The following KCNB2 variants were observed in gnomAD, a reference collection of about 807,000 sequenced individuals.
KCNB2 encodes delayed rectifier potassium channel protein.
A neutral mutation model predicts 61.5 loss-of-function variants in KCNB2; 15 were observed. The ratio of observed to expected loss-of-function variants is 0.24; its 90% CI spans 0.16 to 0.38. The LOEUF (loss-of-function observed/expected upper bound fraction) is 0.38, where lower values mean the gene tolerates loss of function less well. Among genes scored for constraint, KCNB2 ranks in the 10% least tolerant of loss-of-function variants. KCNB2 has a pLI of 1.00. For synonymous variants in KCNB2, 457 were observed against 446.0 expected (o/e 1.02, Z -0.31); for missense variants, 828 against 1,125.2 (o/e 0.74, Z 3.78).
intron 2 of KCNB2, among the ~76,000 whole-genome samples, chr8:72,670,823 T>C (rs1806551632): frequency 6.6e-6 from 1 of 152,196 alleles, no homozygotes; most frequent in African/African-American, 2.4e-5. Context: ...GCTACCTCTG[T>C]ACCTTCATCA....
chr8:72,769,688 G>A (rs1261849473), intron 2 of KCNB2, among the ~76,000 whole-genome samples: 1 of 152,110 alleles, frequency 6.6e-6, no homozygotes, highest in East Asian at 1.9e-4. Context: ...AAAGAGCTCT[G>A]CATGCCTCCT....
chr8:72,716,694 A>G lies in KCNB2; in HGVS notation c.579+148381A>G, dbSNP rs1240308257. On this transcript the variant is annotated intron_variant, in intron 2 of 2. Coordinates refer to ENST00000523207, the MANE Select transcript of KCNB2 (RefSeq NM_004770.3). The stretch of plus-strand genomic sequence containing the variant: ...AATAAGAGCTATCTATGACAAACCC[A>G]CAGCCAATATCATACTGAATGGACA... Among the ~76,000 whole-genome samples the G allele has an allele frequency of 1.4e-4, 22 of 152,216 alleles. No individual in the cohort carries two copies. In the East Asian group the frequency reaches 4.2e-3, roughly 29 times the overall value.
intron 2 of KCNB2, among the ~76,000 whole-genome samples, chr8:72,687,419 G>A (rs1806869706): frequency 6.6e-6 from 1 of 152,048 alleles, no homozygotes; most frequent in African/African-American, 2.4e-5. Context: ...CTATTTTCAA[G>A]CTGGACCTGT....
At chr8:72,752,243 C>T (rs752215379) in intron 2 of KCNB2, among the ~76,000 whole-genome samples, 6 of 152,234 alleles carry the variant, frequency 3.9e-5, no homozygotes, top group Admixed American at 1.3e-4. Flanking sequence ...GATCATAAAA[C>T]TCTGTAGCTA....
chr8:72,776,724 T>G (rs911274198), intron 2 of KCNB2, among the ~76,000 whole-genome samples: 49 of 152,272 alleles, frequency 3.2e-4, no homozygotes, highest in African/African-American at 1.2e-3. Context: ...ACACACACGT[T>G]CGGAGATCGG....
Position 72,922,592 on chromosome 8 carries a change from C to T in KCNB2, c.580-13343C>T, listed in dbSNP as rs117501576. 7.0e-3 allele frequency among the ~76,000 whole-genome samples: 1,060 copies of T among 152,324 alleles called. 3 individuals are homozygous for T. Among genetic ancestry groups the T allele is most frequent in the Middle Eastern group, 0.01 (3 of 294 alleles). Reference sequence around the variant, plus strand: ...TCACATGGTGGAAAAGGCAGGAATGCTCTCTTCAGCCTGTCTTATGAGGGC... The same window carrying T: ...TCACATGGTGGAAAAGGCAGGAATGTTCTCTTCAGCCTGTCTTATGAGGGC... On this transcript the variant is annotated intron_variant, in intron 2 of 2. Coordinates refer to ENST00000523207, the MANE Select transcript of KCNB2 (RefSeq NM_004770.3).
intron 2 of KCNB2, among the ~76,000 whole-genome samples, chr8:72,797,304 T>G (rs1240919811): frequency 6.6e-6 from 1 of 152,232 alleles, no homozygotes; most frequent in Admixed American, 6.5e-5. Context: ...TATACTAAAA[T>G]GAGTCTTCCC....
intron 2 of KCNB2, among the ~76,000 whole-genome samples, chr8:72,871,479 T>C (rs1805613957): frequency 6.6e-6 from 1 of 152,228 alleles, no homozygotes; most frequent in Admixed American, 6.5e-5. Context: ...AATATAACTT[T>C]TGCCAGCATT....
chr8:72,854,983 G>A (rs1013604087), intron 2 of KCNB2, among the ~76,000 whole-genome samples: 3 of 152,158 alleles, frequency 2.0e-5, no homozygotes, highest in Non-Finnish European at 2.9e-5. Context: ...TCAAGCGACT[G>A]TGCCCACGTT....
chr8:72,563,725 C>T (rs1188234074), intron 1 of KCNB2, among the ~76,000 whole-genome samples: 3 of 152,082 alleles, frequency 2.0e-5, no homozygotes, highest in African/African-American at 7.2e-5. Flanking sequence ...TTCAAAGGCA[C>T]TGTTGATCAG....
At chr8:72,759,838 A>T (rs1345704195) in intron 2 of KCNB2, among the ~76,000 whole-genome samples, 1 of 152,188 alleles carries the variant, frequency 6.6e-6, no homozygotes, top group African/African-American at 2.4e-5. Flanking sequence ...TAAGCCCGTT[A>T]TTCAAAGGCT....
chr8:72,664,082 C>T, intron 2 of KCNB2, among the ~76,000 whole-genome samples: 1 of 152,190 alleles, frequency 6.6e-6, no homozygotes, highest in African/African-American at 2.4e-5. Flanking sequence ...ACAGGGAATT[C>T]ATTCTCACTG....
chr8:72,859,942 C>T, intron 2 of KCNB2, among the ~76,000 whole-genome samples: 1 of 79,902 alleles, frequency 1.3e-5, no homozygotes, highest in Admixed American at 1.5e-4. Flanking sequence ...TGGTCTCAAA[C>T]TCCCGACCTC....
chr8:72,625,175 C>T (rs931446179), intron 2 of KCNB2, among the ~76,000 whole-genome samples: 1 of 152,114 alleles, frequency 6.6e-6, no homozygotes, highest in Non-Finnish European at 1.5e-5. Context: ...TGTTTTAAGT[C>T]ACTGAGTTTG....
intron 2 of KCNB2, among the ~76,000 whole-genome samples, chr8:72,610,221 G>A (rs534735686): frequency 8.3e-4 from 127 of 152,296 alleles, no homozygotes; most frequent in African/African-American, 3.0e-3. Flanking sequence ...AAGAGTAGAT[G>A]TTGTACTGAA....
intron 2 of KCNB2, among the ~76,000 whole-genome samples, chr8:72,929,850 G>T (rs573856027): frequency 6.6e-6 from 1 of 151,974 alleles, no homozygotes; most frequent in East Asian, 1.9e-4. Flanking sequence ...TGCACAAAGT[G>T]CAGCTTTGTT....
intron 2 of KCNB2, among the ~76,000 whole-genome samples, chr8:72,759,603 T>G (rs1292049428): frequency 6.6e-6 from 1 of 152,098 alleles, no homozygotes; most frequent in Non-Finnish European, 1.5e-5. Flanking sequence ...ACATGGCAGA[T>G]CCAGAATGCT....
intron 2 of KCNB2, among the ~76,000 whole-genome samples, chr8:72,919,727 A>T (rs933421947): frequency 1.3e-5 from 2 of 152,224 alleles, no homozygotes; most frequent in Non-Finnish European, 2.9e-5. Flanking sequence ...GGAAGTAAGA[A>T]ATTTAAACAT....
At chr8:72,761,397 A>G (rs984560684) in intron 2 of KCNB2, among the ~76,000 whole-genome samples, 6 of 152,188 alleles carry the variant, frequency 3.9e-5, no homozygotes, top group Non-Finnish European at 1.5e-5. Flanking sequence ...GCATTCACAA[A>G]TGAGCCCCTT....
Sources: allele counts gnomAD v4.1 joint callset (sites outside exome capture counted in the v4.1 genomes callset), GRCh38; gene constraint gnomAD v4.1.1; transcripts MANE v1.5; gene names NCBI Gene and HGNC (gene_info 2026-07-23, HGNC 2026-07-21).